KLHL29: variants seen among roughly 807,000 people sequenced by gnomAD.
The protein encoded by KLHL29 is kelch-like protein 29.
Under a neutral mutation model 80.4 loss-of-function variants are expected in KLHL29, and 21 were observed. The ratio of observed to expected loss-of-function variants is 0.26; its 90% CI spans 0.19 to 0.38. The LOEUF (loss-of-function observed/expected upper bound fraction) is 0.38, where lower values mean the gene tolerates loss of function less well. KLHL29 is among the 10% of genes least tolerant of loss of function. The probability of loss-of-function intolerance (pLI) is 1.00; values close to 1 mark genes in which losing one functional copy is unlikely to be tolerated. For missense variants in KLHL29, 867 were observed against 1,223.9 expected, an observed-to-expected ratio of 0.71 and a Z score of 4.35; for synonymous variants, 511 against 526.8, an observed-to-expected ratio of 0.97 and a Z score of 0.41.
At chr2:23,407,305 C>G (rs1048767330) in intron 1 of KLHL29, among the ~76,000 whole-genome samples, 1 of 151,884 alleles carries the variant, frequency 6.6e-6, no homozygotes, top group Non-Finnish European at 1.5e-5. Context: ...TTACCCTATT[C>G]TATCCTATTA....
intron 1 of KLHL29, among the ~76,000 whole-genome samples, chr2:23,460,582 C>CT (rs763956382): frequency 6.2e-4 from 94 of 152,164 alleles, no homozygotes; most frequent in South Asian, 1.0e-3. Context: ...ACTACAGGAG[C>CT]TCAGAGGATG....
chr2:23,690,111 C>T (rs1371476565), intron 6 of KLHL29: 3 of 152,294 alleles, frequency 2.0e-5, no homozygotes, highest in Non-Finnish European at 4.4e-5. Context: ...GATTGCACCT[C>T]CCCCTCTCCT....
At chr2:23,396,698 A>G (rs1396899406) in intron 1 of KLHL29, among the ~76,000 whole-genome samples, 1 of 152,138 alleles carries the variant, frequency 6.6e-6, no homozygotes, top group Non-Finnish European at 1.5e-5. Flanking sequence ...TCAAAACTTG[A>G]ATAATATACA....
chr2:23,628,381 T>G (rs1544822), intron 3 of KLHL29, among the ~76,000 whole-genome samples: 3 of 152,022 alleles, frequency 2.0e-5, no homozygotes, highest in Admixed American at 1.3e-4. Flanking sequence ...GGGAAGGCCA[T>G]AGGGGGCAGA....
In KLHL29 at chr2:23,681,029, C is replaced by T. The variant is rs1401785000; in HGVS notation, c.941-3370C>T. Among the ~76,000 whole-genome samples the T allele has an allele frequency of 6.6e-6, 1 of 152,216 alleles. No individual in the cohort carries two copies. The highest frequency in any genetic ancestry group is 2.4e-5 in the African/African-American group (1 of 41,462). On this transcript the variant is annotated intron_variant, in intron 5 of 13. Coordinates refer to ENST00000486442, the MANE Select transcript of KLHL29 (RefSeq NM_052920.2). The surrounding 1 kb of genome is among the most constrained non-coding windows in gnomAD (Gnocchi z 4.2). ...CTCAGAGATCAGGGAGTGTCCTTTG[C>T]CAAAACATGGGGCAGGGAGGAGGGC...
intron 3 of KLHL29, among the ~76,000 whole-genome samples, chr2:23,591,514 T>G (rs2103516348): frequency 7.7e-6 from 1 of 130,050 alleles, no homozygotes; most frequent in Non-Finnish European, 1.6e-5. Context: ...AACCCCCATG[T>G]TCCCATCCGC....
At chr2:23,551,075 T>C (rs972664441) in intron 2 of KLHL29, among the ~76,000 whole-genome samples, 2 of 152,230 alleles carry the variant, frequency 1.3e-5, no homozygotes, top group Non-Finnish European at 2.9e-5. Context: ...ACATTGGTTA[T>C]TCGTAATGAC....
intron 5 of KLHL29, among the ~76,000 whole-genome samples, chr2:23,677,526 T>A: frequency 6.6e-6 from 1 of 152,214 alleles, no homozygotes; most frequent in East Asian, 1.9e-4. Flanking sequence ...GACCCACAGG[T>A]GCCGCCCGCA....
intron 2 of KLHL29, among the ~76,000 whole-genome samples, chr2:23,543,284 G>A (rs1051721836): frequency 2.0e-5 from 3 of 152,152 alleles, no homozygotes; most frequent in Non-Finnish European, 4.4e-5. Flanking sequence ...GGGAGCTGGA[G>A]AGTGTTGTCC....
intron 1 of KLHL29, among the ~76,000 whole-genome samples, chr2:23,444,703 C>T (rs1051275701): frequency 6.6e-6 from 1 of 152,160 alleles, no homozygotes; most frequent in African/African-American, 2.4e-5. Context: ...ATAAAATAGT[C>T]TTAAACTTAT....
In KLHL29 at chr2:23,582,147, AG is replaced by A. The variant is rs1284243291; in HGVS notation, c.285+19669del. Among the ~76,000 whole-genome samples, 8 of 152,198 alleles carry A rather than the reference AG, an allele frequency of 5.3e-5. No homozygotes were observed. The East Asian group carries it at 1.3e-3, about 26-fold the overall frequency. On this transcript the variant is annotated intron_variant, in intron 3 of 13. Coordinates refer to ENST00000486442, the MANE Select transcript of KLHL29 (RefSeq NM_052920.2). ...TCCCAGCGCCAATAGTTTTCTCATC[AG>A]GGCAGGCCACAAAATGAAGAAGAAA... is the stretch of plus-strand genomic sequence containing the variant.
At chr2:23,517,794 G>C (rs963454232) in intron 2 of KLHL29, among the ~76,000 whole-genome samples, 2 of 152,194 alleles carry the variant, frequency 1.3e-5, no homozygotes, top group Admixed American at 6.5e-5. Flanking sequence ...TAGAAAACTG[G>C]CTGGGCCCAT....
intron 5 of KLHL29, among the ~76,000 whole-genome samples, chr2:23,676,501 A>C (rs746344387): frequency 1.3e-5 from 2 of 152,196 alleles, no homozygotes; most frequent in African/African-American, 2.4e-5. Flanking sequence ...ATTTTAAGTG[A>C]GGCTTACAGC....
chr2:23,387,042 G>A (rs934600511), intron 1 of KLHL29, among the ~76,000 whole-genome samples: 3 of 151,950 alleles, frequency 2.0e-5, no homozygotes, highest in Admixed American at 6.5e-5. Flanking sequence ...AGGAGCTGCC[G>A]CCGCCGCCGC....
intron 3 of KLHL29, among the ~76,000 whole-genome samples, chr2:23,577,710 T>C (rs1667878278): frequency 6.6e-6 from 1 of 150,658 alleles, no homozygotes; most frequent in South Asian, 2.1e-4. Flanking sequence ...ATCATGCCAC[T>C]GCACTCCAGC....
chr2:23,555,446 G>T (rs902229663), intron 2 of KLHL29, among the ~76,000 whole-genome samples: 4 of 152,304 alleles, frequency 2.6e-5, no homozygotes, highest in African/African-American at 9.6e-5. Flanking sequence ...GGAGCCCCTG[G>T]GGACAGGGTG....
intron 6 of KLHL29, chr2:23,689,635 A>C (rs1310829049): frequency 6.6e-6 from 1 of 152,422 alleles, no homozygotes; most frequent in African/African-American, 2.4e-5. Flanking sequence ...TGAAGGCAGC[A>C]GTGACTGGGG....
chr2:23,620,680 C>T (rs1181096485), intron 3 of KLHL29, among the ~76,000 whole-genome samples: 1 of 152,072 alleles, frequency 6.6e-6, no homozygotes, highest in Non-Finnish European at 1.5e-5. Flanking sequence ...GTCGAGTGGG[C>T]TTGTGAGCAT....
intron 1 of KLHL29, among the ~76,000 whole-genome samples, chr2:23,426,560 C>T (rs561079287): frequency 2.2e-4 from 33 of 152,358 alleles, no homozygotes; most frequent in Middle Eastern, 3.4e-3. Flanking sequence ...AGCAAAGACA[C>T]CCTCCCCGCT....
Sources: allele counts gnomAD v4.1 joint callset (sites outside exome capture counted in the v4.1 genomes callset), GRCh38; gene constraint gnomAD v4.1.1; non-coding constraint Gnocchi (gnomAD v3.1); transcripts MANE v1.5; gene names NCBI Gene and HGNC (gene_info 2026-07-23, HGNC 2026-07-21).